The following NXN variants were observed in gnomAD, a reference collection of about 807,000 sequenced individuals.
NXN encodes the protein nucleoredoxin 1.
Under a neutral mutation model 48.6 loss-of-function variants are expected in NXN, and 16 were observed. The observed-to-expected ratio is 0.33, with a 90% CI of 0.22 to 0.50. The LOEUF (loss-of-function observed/expected upper bound fraction) is 0.50, where lower values mean the gene tolerates loss of function less well. NXN is among the 20% of genes least tolerant of loss of function. The pLI is 0.98. For missense variants in NXN, 492 were observed against 605.5 expected (o/e 0.81, Z 1.97); for synonymous variants, 281 against 269.6 (o/e 1.04, Z -0.41).
chr17:822,578 G>C, intron 3 of NXN, 121 bp from the exon 4 acceptor site: 1 of 661,164 alleles, frequency 1.5e-6, no homozygotes, highest in Non-Finnish European at 2.7e-6. Context: ...TCCCGTTCAT[G>C]AAAGGGGTGG....
At chr17:960,592 C>T (rs904656639) in intron 1 of NXN, among the ~76,000 whole-genome samples, 2 of 123,936 alleles carry the variant, frequency 1.6e-5, no homozygotes, top group Non-Finnish European at 3.6e-5. Context: ...GATGCTTCCA[C>T]CTCAGCATCC....
chr17:824,862 C>A (rs480432), intron 2 of NXN, among the ~76,000 whole-genome samples: 32,423 of 152,074 alleles, frequency 0.21, 3,818 homozygotes, highest in East Asian at 0.36. Context: ...GGAGCACAGG[C>A]TGGTTGAAAA....
At chr17:906,362 G>C (rs2068581196) in intron 1 of NXN, among the ~76,000 whole-genome samples, 2 of 151,366 alleles carry the variant, frequency 1.3e-5, no homozygotes, top group South Asian at 4.2e-4. Flanking sequence ...GTTTTTTAAA[G>C]TTTTTTTTTA....
chr17:922,788 A>G (rs939038203), intron 1 of NXN, among the ~76,000 whole-genome samples: 2 of 151,602 alleles, frequency 1.3e-5, no homozygotes, highest in African/African-American at 4.8e-5. Flanking sequence ...AGTAGCTGGG[A>G]CTACAGGTGC....
chr17:952,895 G>A (rs181613930), intron 1 of NXN, among the ~76,000 whole-genome samples: 2 of 152,248 alleles, frequency 1.3e-5, no homozygotes, highest in Non-Finnish European at 2.9e-5. Context: ...CCATCCCTCT[G>A]GGAGGAATGA....
rs202156703 is a variant in NXN, at chr17:948,333, A to C, written c.360+30986T>G. Among the ~76,000 whole-genome samples the C allele has an allele frequency of 2.4e-4, 37 of 152,302 alleles. 1 individual carries two copies. In the East Asian group the frequency reaches 6.7e-3, roughly 28 times the overall value. ...AATATGTACACCATAAAAATTAAAC[A>C]ATAAAGAAAGAAAACAAAGGAAACA... On this transcript the variant is annotated intron_variant, in intron 1 of 7. Transcript: ENST00000336868.
chr17:804,014 T>C, intron 6 of NXN: 1 of 610,464 alleles, frequency 1.6e-6, no homozygotes, highest in Non-Finnish European at 2.8e-6. Context: ...CTCACAGTGC[T>C]CTCCTGCACC....
At chr17:862,676 AC>A (rs2144783204) in intron 1 of NXN, among the ~76,000 whole-genome samples, 1 of 152,362 alleles carries the variant, frequency 6.6e-6, no homozygotes, top group East Asian at 1.9e-4. Context: ...AACTACCTTT[AC>A]AAAGTAGAGT....
At chr17:957,631 C>CAAA (rs34940337) in intron 1 of NXN, among the ~76,000 whole-genome samples, 1 of 131,934 alleles carries the variant, frequency 7.6e-6, no homozygotes, top group Non-Finnish European at 1.6e-5. Context: ...GACTCCATCT[C>CAAA]AAAAAAAAAA....
intron 1 of NXN, among the ~76,000 whole-genome samples, chr17:836,783 T>G (rs564324115): frequency 6.6e-6 from 1 of 152,266 alleles, no homozygotes; most frequent in South Asian, 2.1e-4. Context: ...ATATTAGGTA[T>G]GAAATAAGTG....
At chr17:957,248 G>A (rs2069181157) in intron 1 of NXN, among the ~76,000 whole-genome samples, 1 of 151,698 alleles carries the variant, frequency 6.6e-6, no homozygotes. Flanking sequence ...ACTACGCCGT[G>A]TGGAAAACAC....
intron 1 of NXN, among the ~76,000 whole-genome samples, chr17:890,482 T>C (rs538551892): frequency 1.3e-5 from 2 of 152,078 alleles, no homozygotes; most frequent in Admixed American, 1.3e-4. Flanking sequence ...CACGCCATTC[T>C]CCTGCCTCAG....
chr17:873,978 A>G (rs979044422), intron 1 of NXN, among the ~76,000 whole-genome samples: 1 of 152,102 alleles, frequency 6.6e-6, no homozygotes, highest in Non-Finnish European at 1.5e-5. Context: ...CACTCCTGAC[A>G]TGGTTTGGCT....
rs184520949 is a variant in NXN, at chr17:913,874, C to T, written c.360+65445G>A. Among the ~76,000 whole-genome samples, 45 of 152,262 alleles carry T rather than the reference C, an allele frequency of 3.0e-4. No individual in the cohort carries two copies. The South Asian group carries it at 7.7e-3, about 26-fold the overall frequency. On this transcript the variant is annotated intron_variant, in intron 1 of 7. Coordinates refer to ENST00000336868, the MANE Select transcript of NXN (RefSeq NM_022463.5). ...TTATAACGGCGTGTCCTCCCAAACT[C>T]GCGGAAGATTTTTATTTTATTATTT...
At position 979,756 on chromosome 17, in the gene NXN, G is replaced by C; in HGVS notation, c.-78C>G. ...GCGGCGGGAGGAGGCGGCGGCGTCG[G>C]CGGCAGGCGCTGGGGAGAGCAGAGC... On this transcript the variant is annotated 5_prime_UTR_variant, in exon 1 of 8. Transcript: ENST00000336868. 2 of 1,192,066 alleles carry C rather than the reference G, an allele frequency of 1.7e-6. No individual in the cohort carries two copies. The highest frequency in any genetic ancestry group is 4.9e-5 in the South Asian group (2 of 40,968). The allele number at this position is 1,192,066 out of a possible 1,614,324, so 73.8% of individuals were successfully genotyped here. A position where few individuals can be genotyped will look rare whatever the true frequency, so the allele number is the denominator to read the frequency against.
intron 1 of NXN, among the ~76,000 whole-genome samples, chr17:873,493 CAA>C (rs71145783): frequency 5.1e-4 from 38 of 74,930 alleles, no homozygotes; most frequent in Admixed American, 8.3e-4. Flanking sequence ...ACACTGTCTC[CAA>C]AAAAAAAAAA....
intron 4 of NXN, among the ~76,000 whole-genome samples, chr17:820,459 A>AT (rs1348275630): frequency 2.0e-5 from 3 of 148,834 alleles, no homozygotes; most frequent in Admixed American, 1.3e-4. Flanking sequence ...AAAATACAAA[A>AT]AAATTAGCTG....
intron 5 of NXN, among the ~76,000 whole-genome samples, chr17:815,866 A>ACG (rs761775258): frequency 4.6e-5 from 7 of 152,334 alleles, no homozygotes; most frequent in East Asian, 1.9e-4. Flanking sequence ...CTGTGCACAC[A>ACG]CGTGCACACA....
At chr17:886,958 C>T (rs2068355273) in intron 1 of NXN, among the ~76,000 whole-genome samples, 3 of 152,096 alleles carry the variant, frequency 2.0e-5, no homozygotes, top group African/African-American at 7.2e-5. Context: ...CAGATCCAGG[C>T]TGGAGTGCAG....
Sources: gnomAD v4.1 joint callset for allele counts (sites outside exome capture counted in the v4.1 genomes callset) on GRCh38, gnomAD v4.1.1 for gene constraint, MANE v1.5 for transcripts, NCBI Gene and HGNC (gene_info 2026-07-23, HGNC 2026-07-21) for gene names.